Variants in SH3BP5 observed in about 807,000 individuals in gnomAD.
SH3BP5 encodes SH3 domain-binding protein 5.
SH3BP5 carries 22 observed loss-of-function variants against 43.3 expected under a neutral mutation model. The ratio of observed to expected loss-of-function variants is 0.51; its 90% CI spans 0.36 to 0.73. The LOEUF is 0.73. Among genes scored for constraint, SH3BP5 ranks in the 30% least tolerant of loss-of-function variants. SH3BP5 has a pLI of 0.00. For missense variants in SH3BP5, 529 were observed against 586.9 expected, an observed-to-expected ratio of 0.90 and a Z score of 1.02; for synonymous variants, 255 against 225.8, an observed-to-expected ratio of 1.13 and a Z score of -1.16.
intron 1 of SH3BP5, among the ~76,000 whole-genome samples, chr3:15,337,831 C>A (rs1465859985): frequency 6.6e-6 from 1 of 150,582 alleles, no homozygotes; most frequent in Non-Finnish European, 1.5e-5. Context: ...AGGAGGATCC[C>A]CTGAGCCCAG....
At position 15,257,038 on chromosome 3, in the gene SH3BP5, G is replaced by A; in HGVS notation, c.965C>T (p.Ser322Phe). 1 of 1,614,210 alleles carries A rather than the reference G, an allele frequency of 6.2e-7. No homozygotes were observed. The highest frequency in any genetic ancestry group is 8.5e-7 in the Non-Finnish European group (1 of 1,180,030). The change falls in exon 8 of 9, where the codon TCC becomes TTC. Residue 322 changes from serine to phenylalanine, a missense_variant. Physicochemically the swap from Ser to Phe is radical, Grantham distance 155. Around this residue, in one of 3 missense-constraint regions of SH3BP5, gnomAD observed 369 missense variants for 384.3 expected, o/e 0.96. Transcript: ENST00000383791. ...SEDDSETQSV[S>F]SFSSGPTSPS... is the part of the protein sequence containing the mutation. ...GCTTGTTGGTCCTGAACTAAAGCTG[G>A]ACACGGACTGGGTTTCCGAGTCATC...
intron 3 of SH3BP5, among the ~76,000 whole-genome samples, chr3:15,271,114 C>T (rs963558440): frequency 4.0e-5 from 6 of 151,724 alleles, no homozygotes; most frequent in African/African-American, 1.5e-4. Context: ...TGCAATGGAT[C>T]CCACCTCTAT....
upstream of SH3BP5, among the ~76,000 whole-genome samples, chr3:15,335,373 C>T (rs1698689108): frequency 6.8e-6 from 1 of 146,532 alleles, no homozygotes; most frequent in African/African-American, 2.5e-5. Context: ...GTAGGACTTT[C>T]TCTCAAAAAA....
At chr3:15,259,336 G>A (rs1337184440) in intron 6 of SH3BP5, 2 of 542,702 alleles carry the variant, frequency 3.7e-6, no homozygotes, top group Non-Finnish European at 6.6e-6. Context: ...ACACACCAAA[G>A]TCCCACAGTC....
chr3:15,328,415 C>CT (rs760691045), intron 2 of SH3BP5, among the ~76,000 whole-genome samples: 1 of 140,694 alleles, frequency 7.1e-6, no homozygotes, highest in Non-Finnish European at 1.6e-5. Flanking sequence ...TCAATCAATG[C>CT]TTTTAAAAAA....
At chr3:15,314,545 AG>A (rs1698139876) in intron 2 of SH3BP5, among the ~76,000 whole-genome samples, 1 of 152,204 alleles carries the variant, frequency 6.6e-6, no homozygotes, top group Non-Finnish European at 1.5e-5. Context: ...AGGCCAAGGC[AG>A]GAGGGTGTAG....
intron 2 of SH3BP5, among the ~76,000 whole-genome samples, chr3:15,310,108 A>T (rs1051407913): frequency 6.6e-6 from 1 of 152,140 alleles, no homozygotes; most frequent in Admixed American, 6.6e-5. Context: ...GGGCCTGGCC[A>T]CAGTCATACT....
chr3:15,293,343 C>A (rs1312638848), intron 3 of SH3BP5, among the ~76,000 whole-genome samples: 5 of 152,232 alleles, frequency 3.3e-5, no homozygotes. Context: ...AGTCCCGTGG[C>A]AAGAACTGCC....
intron 1 of SH3BP5, chr3:15,331,780 G>T (rs922587799): frequency 6.5e-6 from 1 of 154,458 alleles, no homozygotes; most frequent in African/African-American, 2.4e-5. Context: ...CTCAGGCCGG[G>T]CACCTTGGCA....
rs116141674 is a variant in SH3BP5, at chr3:15,268,623, G to A, written c.495+1090C>T. ...GAGCCAAGCCTGGAAGGGGGAAGAGGTATCCAGGAACATTCTGCGTGACTT... is the reference window on the plus strand; with the variant it reads ...GAGCCAAGCCTGGAAGGGGGAAGAGATATCCAGGAACATTCTGCGTGACTT... On this transcript the variant is annotated intron_variant, in intron 4 of 8. Coordinates refer to ENST00000383791, the MANE Select transcript of SH3BP5 (RefSeq NM_004844.5). 6.2e-3 allele frequency among the ~76,000 whole-genome samples: 939 copies of A among 152,282 alleles called. 7 individuals are homozygous for A. Among genetic ancestry groups the A allele is most frequent in the South Asian group, 0.015 (74 of 4,832 alleles).
At chr3:15,340,612 G>A (rs1282598099) in intron 1 of SH3BP5, among the ~76,000 whole-genome samples, 1 of 151,946 alleles carries the variant, frequency 6.6e-6, no homozygotes, top group Non-Finnish European at 1.5e-5. Context: ...TTAGCCAGGC[G>A]TGGTGGCAGG....
In SH3BP5 at chr3:15,256,204, T is replaced by C. The variant is rs1434956537; in HGVS notation, c.1250A>G (p.Gln417Arg). 1.2e-6 allele frequency: 2 copies of C among 1,614,100 alleles called. No individual in the cohort carries two copies. The highest frequency in any genetic ancestry group is 2.7e-5 in the African/African-American group (2 of 74,932). The change falls in exon 9 of 9, where the codon CAA becomes CGA. Residue 417 changes from glutamine (Q) to arginine (R), a missense_variant. Transcript: ENST00000383791. The part of the protein sequence containing the change: ...SSGSGGSSKS[Q>R]SSTSPEGQAL... ...CTGGCCCTCAGGGGAGGTGCTGCTT[T>C]GGCTCTTACTGCTGCCACCACTGCC...
chr3:15,279,238 G>T (rs1018560710), intron 3 of SH3BP5, among the ~76,000 whole-genome samples: 1 of 151,922 alleles, frequency 6.6e-6, no homozygotes, highest in Admixed American at 6.6e-5. Flanking sequence ...ATTTTTTCTC[G>T]GTCCCAAAGG....
chr3:15,302,614 T>C (rs953796809), intron 3 of SH3BP5, among the ~76,000 whole-genome samples: 2 of 151,884 alleles, frequency 1.3e-5, no homozygotes, highest in Non-Finnish European at 2.9e-5. Context: ...TGCATGGAAA[T>C]AGGAAAAAGA....
chr3:15,315,598 C>G (rs1434260522), intron 2 of SH3BP5, among the ~76,000 whole-genome samples: 1 of 152,110 alleles, frequency 6.6e-6, no homozygotes, highest in Non-Finnish European at 1.5e-5. Flanking sequence ...GGGTCTTGGA[C>G]CCTTTTAAGG....
chr3:15,296,393 A>T (rs938051082), intron 3 of SH3BP5, among the ~76,000 whole-genome samples: 13 of 151,538 alleles, frequency 8.6e-5, no homozygotes, highest in Non-Finnish European at 2.9e-5. Context: ...AGTAACAAAG[A>T]TTCTACTTTT....
At chr3:15,333,004 G>T, upstream of SH3BP5, 1 of 778,428 alleles carries the variant, frequency 1.3e-6, no homozygotes, top group Non-Finnish European at 1.6e-6. Flanking sequence ...GAATGGCGGA[G>T]GTTCCGTGCA....
At chr3:15,289,460 T>C (rs1457733896) in intron 3 of SH3BP5, among the ~76,000 whole-genome samples, 2 of 152,180 alleles carry the variant, frequency 1.3e-5, no homozygotes, top group Non-Finnish European at 2.9e-5. Flanking sequence ...TGGACTCAAA[T>C]ATTAGGATGT....
At chr3:15,311,794 C>T (rs969880427) in intron 2 of SH3BP5, among the ~76,000 whole-genome samples, 3 of 152,134 alleles carry the variant, frequency 2.0e-5, no homozygotes, top group African/African-American at 7.2e-5. Flanking sequence ...CTACCTCAGC[C>T]TCCCAAGTAG....
Sources: gnomAD v4.1 joint callset for allele counts (sites outside exome capture counted in the v4.1 genomes callset) on GRCh38, gnomAD v4.1.1 for gene constraint, gnomAD v4.1.1 regional missense constraint, MANE v1.5 for transcripts, NCBI Gene and HGNC (gene_info 2026-07-23, HGNC 2026-07-21) for gene names.